The following CFAP20DC variants were observed in gnomAD, a reference collection of about 807,000 sequenced individuals.
CFAP20DC encodes the protein CFAP20 domain containing, also known as protein CFAP20DC.
Under a neutral mutation model 101.7 loss-of-function variants are expected in CFAP20DC, and 84 were observed. The observed-to-expected ratio is 0.83, with a 90% CI of 0.69 to 0.99. CFAP20DC has a LOEUF of 0.99. Among genes scored for constraint, CFAP20DC ranks in the 50% least tolerant of loss-of-function variants. CFAP20DC has a pLI of 0.00. For synonymous variants in CFAP20DC, 359 were observed against 351.2 expected (o/e 1.02, Z -0.25); for missense variants, 1,007 against 970.3 (o/e 1.04, Z -0.50).
At chr3:58,817,675 G>C (rs1275839819) in intron 14 of CFAP20DC, among the ~76,000 whole-genome samples, 7 of 148,306 alleles carry the variant, frequency 4.7e-5, no homozygotes, top group African/African-American at 1.7e-4. Context: ...TGGTGTACCT[G>C]AAAGTGATGG....
At chr3:59,030,828 T>G (rs757177073) in intron 4 of CFAP20DC, among the ~76,000 whole-genome samples, 8 of 152,074 alleles carry the variant, frequency 5.3e-5, no homozygotes, top group Admixed American at 1.3e-4. Context: ...TTTGTTTTTG[T>G]TTTTGTTTTT....
chr3:58,946,774 T>C (rs937083585), intron 4 of CFAP20DC, among the ~76,000 whole-genome samples: 1 of 152,166 alleles, frequency 6.6e-6, no homozygotes, highest in Non-Finnish European at 1.5e-5. Context: ...GGAGTTTTAA[T>C]ATGAGACATC....
downstream of CFAP20DC, among the ~76,000 whole-genome samples, chr3:58,716,372 C>T (rs1394456540): frequency 6.6e-6 from 1 of 151,538 alleles, no homozygotes; most frequent in South Asian, 2.1e-4. Context: ...ACCTTGTTAG[C>T]CAGGATGGTC....
At chr3:58,831,636 G>C (rs1438530254) in intron 14 of CFAP20DC, 50 bp downstream of exon 14, 2 of 1,528,840 alleles carry the variant, frequency 1.3e-6, no homozygotes, top group Non-Finnish European at 9.0e-7. Context: ...TTAGAAAAAA[G>C]CTTGCTCCTT....
In CFAP20DC at chr3:59,034,786, G is replaced by A. The variant is rs535065156; in HGVS notation, c.278+4771C>T. ...CACTGTCAATATTAGACAGCTCAAT[G>A]AGACAGAAAATTAACAAGGATATTT... On this transcript the variant is annotated intron_variant, in intron 4 of 16. Transcript: ENST00000482387. Among the ~76,000 whole-genome samples, 12 of 152,246 alleles carry A rather than the reference G, an allele frequency of 7.9e-5. No individual in the cohort carries two copies. The East Asian group carries it at 2.1e-3, about 27-fold the overall frequency.
At chr3:58,940,692 T>G (rs2088426334) in intron 4 of CFAP20DC, among the ~76,000 whole-genome samples, 1 of 152,216 alleles carries the variant, frequency 6.6e-6, no homozygotes, top group South Asian at 2.1e-4. Flanking sequence ...TACTGTAGAT[T>G]TAGAGTAAGT....
At chr3:58,879,571 G>A (rs181674770) in intron 7 of CFAP20DC, among the ~76,000 whole-genome samples, 1 of 152,320 alleles carries the variant, frequency 6.6e-6, no homozygotes, top group Non-Finnish European at 1.5e-5. Flanking sequence ...TAAGCATTGA[G>A]TTAGGTGCTA....
intron 4 of CFAP20DC, among the ~76,000 whole-genome samples, chr3:58,980,694 T>A (rs2092497980): frequency 6.6e-6 from 1 of 152,194 alleles, no homozygotes; most frequent in Non-Finnish European, 1.5e-5. Context: ...TAGGTATTGA[T>A]GGGATGTATC....
intron 12 of CFAP20DC, among the ~76,000 whole-genome samples, chr3:58,853,721 C>T (rs1202065220): frequency 6.6e-6 from 1 of 152,070 alleles, no homozygotes; most frequent in Non-Finnish European, 1.5e-5. Context: ...TAAACAGAAC[C>T]AAAGACAAAA....
Position 59,039,614 on chromosome 3 carries a change from C to T in CFAP20DC, c.221G>A (p.Arg74Lys), listed in dbSNP as rs757807609. Residue 74 changes from arginine to lysine, a missense_variant, in exon 4 of 17, where the codon AGG (arginine) becomes AAG (lysine). Transcript: ENST00000482387. ...TACGTAAATCTGAAGTACAAGAAAC[C>T]TCTGGATCAATCCAACTAGAATGAA... ...ENKQSLGLIQRFLVLQIYVPL... is the reference protein window; with the variant it reads ...ENKQSLGLIQKFLVLQIYVPL... 1 of 1,526,404 alleles carries T rather than the reference C, an allele frequency of 6.6e-7. No homozygotes were observed. The highest frequency in any genetic ancestry group is 1.2e-5 in the South Asian group (1 of 83,040). The allele number at this position is 1,526,404 out of a possible 1,614,324, so 94.6% of individuals were successfully genotyped here.
chr3:58,804,545 T>C (rs1434272280), intron 15 of CFAP20DC, among the ~76,000 whole-genome samples: 5 of 152,084 alleles, frequency 3.3e-5, no homozygotes, highest in Non-Finnish European at 4.4e-5. Flanking sequence ...GTATTTTTAT[T>C]AGAGATGTGG....
chr3:58,906,637 A>G (rs2083612958), intron 6 of CFAP20DC, among the ~76,000 whole-genome samples: 1 of 152,208 alleles, frequency 6.6e-6, no homozygotes, highest in South Asian at 2.1e-4. Flanking sequence ...TTCCTTCAAG[A>G]TGCAGTACAG....
chr3:58,797,998 G>A (rs1028013320), intron 15 of CFAP20DC, among the ~76,000 whole-genome samples: 3 of 152,102 alleles, frequency 2.0e-5, no homozygotes, highest in African/African-American at 7.2e-5. Flanking sequence ...AAAGATTACT[G>A]GTCATTGGCA....
At chr3:58,834,905 A>AT (rs1203761743) in intron 13 of CFAP20DC, among the ~76,000 whole-genome samples, 1 of 152,200 alleles carries the variant, frequency 6.6e-6, no homozygotes, top group East Asian at 1.9e-4. Flanking sequence ...CAAAACATAC[A>AT]TAAAAAATTG....
At chr3:58,975,719 A>G (rs1309667992) in intron 4 of CFAP20DC, among the ~76,000 whole-genome samples, 1 of 152,188 alleles carries the variant, frequency 6.6e-6, no homozygotes, top group African/African-American at 2.4e-5. Flanking sequence ...TGCTTTTTCT[A>G]TAGCAATAGC....
chr3:58,829,226 G>A (rs1212671175), intron 14 of CFAP20DC, among the ~76,000 whole-genome samples: 2 of 150,536 alleles, frequency 1.3e-5, no homozygotes, highest in Admixed American at 1.3e-4. Flanking sequence ...CCTGATGGGT[G>A]CCTGTAATCC....
At chr3:58,719,343 G>A (rs1325473908) in intron 3 of CFAP20DC, among the ~76,000 whole-genome samples, 1 of 152,206 alleles carries the variant, frequency 6.6e-6, no homozygotes, top group Non-Finnish European at 1.5e-5. Context: ...GTTAATCGAG[G>A]TCTTACTACA....
chr3:58,953,930 T>C (rs1253283028), intron 4 of CFAP20DC: 2 of 152,184 alleles, frequency 1.3e-5, no homozygotes, highest in Non-Finnish European at 2.9e-5. Flanking sequence ...CATACGTAAG[T>C]GAGCATTCAC....
intron 4 of CFAP20DC, among the ~76,000 whole-genome samples, chr3:59,031,963 G>C (rs985897059): frequency 6.6e-6 from 1 of 152,150 alleles, no homozygotes; most frequent in African/African-American, 2.4e-5. Context: ...CAACCCAGAA[G>C]GCAGGTAATT....
Sources: gnomAD v4.1 joint callset for allele counts (sites outside exome capture counted in the v4.1 genomes callset) on GRCh38, gnomAD v4.1.1 for gene constraint, MANE v1.5 for transcripts, NCBI Gene and HGNC (gene_info 2026-07-23, HGNC 2026-07-21) for gene names.